Variants in PTPRO observed in about 807,000 individuals in gnomAD.
PTPRO encodes receptor-type tyrosine-protein phosphatase O.
In PTPRO, 62 loss-of-function variants were observed where a neutral mutation model predicts 145.2. The ratio of observed to expected loss-of-function variants is 0.43; its 90% CI spans 0.35 to 0.53. The LOEUF (loss-of-function observed/expected upper bound fraction) is 0.53. Among genes scored for constraint, PTPRO ranks in the 20% least tolerant of loss-of-function variants. The pLI is 0.01. For synonymous variants in PTPRO, 565 were observed against 514.7 expected (o/e 1.10, Z -1.32); for missense variants, 1,345 against 1,482.7 (o/e 0.91, Z 1.53).
At chr12:15,360,019 T>A (rs1938125709) in intron 1 of PTPRO, among the ~76,000 whole-genome samples, 1 of 152,188 alleles carries the variant, frequency 6.6e-6, no homozygotes, top group Non-Finnish European at 1.5e-5. Context: ...TAGCTCTATT[T>A]TCTTTATCTT....
chr12:15,589,644 C>G, intron 25 of PTPRO, 54 bp downstream of exon 25: 4 of 1,589,594 alleles, frequency 2.5e-6, no homozygotes, highest in Non-Finnish European at 3.5e-6. Context: ...GAAAAACTTA[C>G]CATTATTCAA....
At chr12:15,405,377 A>G (rs1939618668) in intron 1 of PTPRO, among the ~76,000 whole-genome samples, 1 of 151,728 alleles carries the variant, frequency 6.6e-6, no homozygotes, top group Admixed American at 6.6e-5. Context: ...TGAAACTTTT[A>G]TGTTTCTGAG....
At chr12:15,337,387 C>T (rs1274747366) in intron 1 of PTPRO, 1 of 152,164 alleles carries the variant, frequency 6.6e-6, no homozygotes. Flanking sequence ...CGGAACACTT[C>T]CGAGAGTGAA....
intron 14 of PTPRO, among the ~76,000 whole-genome samples, chr12:15,550,843 A>G (rs1014039199): frequency 6.6e-6 from 1 of 152,182 alleles, no homozygotes; most frequent in Admixed American, 6.5e-5. Flanking sequence ...CCTGCCTTTG[A>G]TATCCTGTTC....
intron 12 of PTPRO, among the ~76,000 whole-genome samples, chr12:15,531,649 G>A (rs1942965127): frequency 6.6e-6 from 1 of 152,172 alleles, no homozygotes; most frequent in Admixed American, 6.5e-5. Context: ...GACAATGGAG[G>A]ATGGATTGAC....
At chr12:15,593,822 C>T (rs1223317437) in intron 25 of PTPRO, among the ~76,000 whole-genome samples, 1 of 152,116 alleles carries the variant, frequency 6.6e-6, no homozygotes, top group African/African-American at 2.4e-5. Flanking sequence ...AAATATTATT[C>T]TTTTCCTTCT....
In PTPRO at chr12:15,560,323, G is replaced by T. The variant is rs772697657; in HGVS notation, c.2711+47G>T. 14 of 1,400,006 alleles carry T rather than the reference G, an allele frequency of 1.0e-5. No individual in the cohort carries two copies. In the East Asian group the frequency reaches 1.4e-4, roughly 14 times the overall value. 86.7% of individuals were successfully genotyped at this position (1,400,006 alleles called of 1,614,324 possible). On this transcript the variant is annotated intron_variant, in intron 17 of 26. Coordinates refer to ENST00000281171, the MANE Select transcript of PTPRO (RefSeq NM_030667.3). ...TTTAACACAAACTCTTTAAAAGTTA[G>T]CTTTCAAGAAGTAAACAAAAAGGAA...
intron 12 of PTPRO, among the ~76,000 whole-genome samples, chr12:15,528,134 A>G (rs2136532153): frequency 6.6e-6 from 1 of 152,236 alleles, no homozygotes; most frequent in Admixed American, 6.5e-5. Flanking sequence ...GGAATGATTC[A>G]GGGAGCTAAA....
intron 1 of PTPRO, among the ~76,000 whole-genome samples, chr12:15,478,488 T>A (rs1439828484): frequency 2.0e-5 from 3 of 152,162 alleles, no homozygotes; most frequent in African/African-American, 7.2e-5. Context: ...GTTATACAGG[T>A]AACAATCTAA....
rs796279744 is a variant in PTPRO at position 15,360,976 on chromosome 12, A to G, written c.75+38175A>G. Among the ~76,000 whole-genome samples the G allele has an allele frequency of 7.0e-3, 893 of 128,468 alleles. 7 individuals are homozygous for G. Among genetic ancestry groups the G allele is most frequent in the African/African-American group, 0.023 (849 of 36,534 alleles). The allele number at this position is 128,468 out of a possible 152,430, so 84.3% of individuals were successfully genotyped here. ...TATACACACACATATATACACACGTATATATACACACACATAGTGTGTGTG... is the reference window on the plus strand; with the variant it reads ...TATACACACACATATATACACACGTGTATATACACACACATAGTGTGTGTG... On this transcript the variant is annotated intron_variant, in intron 1 of 26. Transcript: ENST00000281171.
intron 1 of PTPRO, chr12:15,440,223 G>A: frequency 3.1e-6 from 2 of 652,284 alleles, no homozygotes; most frequent in South Asian, 1.7e-5. Flanking sequence ...GCCACCCTGG[G>A]CAACTTTTCC....
chr12:15,573,720 A>G (rs1944113672), intron 19 of PTPRO, among the ~76,000 whole-genome samples: 1 of 152,162 alleles, frequency 6.6e-6, no homozygotes, highest in African/African-American at 2.4e-5. Flanking sequence ...TCTTCATTTG[A>G]CAGACTTCAG....
intron 1 of PTPRO, chr12:15,440,164 C>T (rs1940721363): frequency 5.9e-6 from 4 of 680,772 alleles, no homozygotes; most frequent in Admixed American, 2.1e-5. Flanking sequence ...AGAAGCTGCT[C>T]ATGATGGCTG....
intron 24 of PTPRO, chr12:15,587,289 G>C (rs959571765): frequency 1.9e-6 from 1 of 514,370 alleles, no homozygotes; most frequent in Admixed American, 3.3e-5. Flanking sequence ...AATAGAGAAG[G>C]GTAGAGATGT....
At chr12:15,465,508 A>C (rs117091781) in intron 1 of PTPRO, among the ~76,000 whole-genome samples, 300 of 152,354 alleles carry the variant, frequency 2.0e-3, no homozygotes, top group Non-Finnish European at 3.2e-3. Context: ...CTCTAAGAAC[A>C]ATCTGCCAAT....
chr12:15,362,699 C>CA (rs1406913357), intron 1 of PTPRO, among the ~76,000 whole-genome samples: 10 of 149,410 alleles, frequency 6.7e-5, no homozygotes, highest in East Asian at 2.0e-4. Context: ...ACCCACACAT[C>CA]AAAAAAAAAG....
At chr12:15,528,325 G>A (rs983648476) in intron 12 of PTPRO, among the ~76,000 whole-genome samples, 4 of 150,274 alleles carry the variant, frequency 2.7e-5, no homozygotes, top group Non-Finnish European at 5.9e-5. Flanking sequence ...GACCATCCTG[G>A]CTAACATGGT....
At chr12:15,347,165 T>G (rs1055021332) in intron 1 of PTPRO, among the ~76,000 whole-genome samples, 1 of 152,082 alleles carries the variant, frequency 6.6e-6, no homozygotes, top group Non-Finnish European at 1.5e-5. Context: ...AGTTTTTTCC[T>G]CCTCCTCAGA....
At chr12:15,422,272 TTTTG>T (rs1940167672) in intron 1 of PTPRO, among the ~76,000 whole-genome samples, 1 of 152,186 alleles carries the variant, frequency 6.6e-6, no homozygotes, top group Non-Finnish European at 1.5e-5. Context: ...TTTTCTTGTT[TTTTG>T]TTTGTTTGTT....
Sources: gnomAD v4.1 joint callset for allele counts (sites outside exome capture counted in the v4.1 genomes callset) on GRCh38, gnomAD v4.1.1 for gene constraint, MANE v1.5 for transcripts, NCBI Gene and HGNC (gene_info 2026-07-23, HGNC 2026-07-21) for gene names.